The following TTC39B variants were observed in gnomAD, a reference collection of about 807,000 sequenced individuals.
TTC39B encodes the protein tetratricopeptide repeat domain 39B.
A neutral mutation model predicts 96.6 loss-of-function variants in TTC39B; 92 were observed. The ratio of observed to expected loss-of-function variants is 0.95; its 90% confidence interval spans 0.80 to 1.13. The LOEUF is 1.13. TTC39B is among the 50% of genes most tolerant of loss of function. TTC39B has a pLI of 0.00. For missense variants in TTC39B, 955 were observed against 809.3 expected (o/e 1.18, Z -2.18); for synonymous variants, 367 against 299.4 (o/e 1.23, Z -2.33).
At chr9:15,287,807 A>G (rs1186956519) in intron 1 of TTC39B, among the ~76,000 whole-genome samples, 2 of 152,070 alleles carry the variant, frequency 1.3e-5, no homozygotes, top group Non-Finnish European at 1.5e-5. Context: ...TTAGCCGGGC[A>G]TGGTGGCATG....
At position 15,192,450 on chromosome 9, in the gene TTC39B, C is replaced by T. The variant is rs1301682840; in HGVS notation, c.930+140G>A. 5 of 627,320 alleles carry T rather than the reference C, an allele frequency of 8.0e-6. No individual in the cohort carries two copies. The East Asian group carries it at 1.4e-4, about 17-fold the overall frequency. 38.9% of individuals were successfully genotyped at this position (627,320 alleles called of 1,614,324 possible). On this transcript the variant is annotated intron_variant, in intron 9 of 19. Transcript: ENST00000512701. ...TTTATAACACACTGGGTCACAATGC[C>T]AGAAAACTGATCCCACTCTAGCTGT...
At chr9:15,175,810 C>A (rs1284650834) in intron 18 of TTC39B, among the ~76,000 whole-genome samples, 3 of 152,128 alleles carry the variant, frequency 2.0e-5, no homozygotes, top group Non-Finnish European at 1.5e-5. Context: ...TCCTAATATC[C>A]ATGCAGGAGA....
At chr9:15,284,495 T>C (rs1481356425) in intron 1 of TTC39B, among the ~76,000 whole-genome samples, 1 of 152,172 alleles carries the variant, frequency 6.6e-6, no homozygotes, top group African/African-American at 2.4e-5. Flanking sequence ...GATAATTAAA[T>C]AAATTATAGT....
chr9:15,229,968 G>C lies in TTC39B; in HGVS notation c.276-3956C>G, dbSNP rs566895805. On this transcript the variant is annotated intron_variant, in intron 2 of 19. Coordinates refer to ENST00000512701, the Ensembl canonical transcript of TTC39B. ...TCATTACATTATTAGGAAATCTACA[G>C]AGAATTGTTGTCTTTATAACATTGC... 2.6e-5 allele frequency among the ~76,000 whole-genome samples: 4 copies of C among 152,334 alleles called. No homozygotes were observed. In the South Asian group the frequency reaches 8.3e-4, roughly 32 times the overall value.
intron 1 of TTC39B, among the ~76,000 whole-genome samples, chr9:15,294,326 C>A (rs1295619577): frequency 6.6e-6 from 1 of 152,170 alleles, no homozygotes; most frequent in African/African-American, 2.4e-5. Context: ...TACCTTTTAG[C>A]CTCTTACGTT....
intron 17 of TTC39B, among the ~76,000 whole-genome samples, chr9:15,179,238 C>G (rs1393677730): frequency 6.6e-6 from 1 of 152,122 alleles, no homozygotes; most frequent in Non-Finnish European, 1.5e-5. Flanking sequence ...GACAGAACGA[C>G]AATTTACACA....
At chr9:15,270,671 T>G (rs149123545) in intron 1 of TTC39B, among the ~76,000 whole-genome samples, 3,923 of 149,972 alleles carry the variant, frequency 0.026, 173 homozygotes, top group African/African-American at 0.091. Flanking sequence ...TCCCAGCTAC[T>G]CGAGAGGCTG....
chr9:15,250,111 CA>C (rs1822466698), intron 2 of TTC39B: 3 of 1,253,920 alleles, frequency 2.4e-6, no homozygotes, highest in Non-Finnish European at 3.1e-6. Flanking sequence ...CAGGCACAAG[CA>C]AAGTAGTTGC....
chr9:15,282,312 A>C (rs937607586), intron 1 of TTC39B, among the ~76,000 whole-genome samples: 1 of 152,160 alleles, frequency 6.6e-6, no homozygotes, highest in African/African-American at 2.4e-5. Flanking sequence ...AAAGACTGAC[A>C]CTCTGGTAAA....
chr9:15,190,856 C>G (rs1293888248), intron 10 of TTC39B, among the ~76,000 whole-genome samples, 194 bp from the exon 11 acceptor site: 3 of 152,136 alleles, frequency 2.0e-5, no homozygotes, highest in Non-Finnish European at 4.4e-5. Flanking sequence ...TTTTTCAACC[C>G]TCTCTTCCCC....
intron 6 of TTC39B, among the ~76,000 whole-genome samples, chr9:15,209,836 C>T (rs532309002): frequency 6.6e-6 from 1 of 151,584 alleles, no homozygotes; most frequent in Non-Finnish European, 1.5e-5. Context: ...TGATTCTATG[C>T]TTGCAAAAAA....
rs1376010748 is a variant in TTC39B, at chr9:15,203,311, T to C, written c.759+512A>G. Among the ~76,000 whole-genome samples the C allele has an allele frequency of 3.3e-5, 5 of 152,286 alleles. No individual in the cohort carries two copies. In the East Asian group the frequency reaches 9.7e-4, roughly 29 times the overall value. ...TGTCACCCAAGGTGAAGTGCAGTGGTAGGACCTCGGCTCACGGAAATCTCC... is the reference window on the plus strand; with the variant it reads ...TGTCACCCAAGGTGAAGTGCAGTGGCAGGACCTCGGCTCACGGAAATCTCC... On this transcript the variant is annotated intron_variant, in intron 7 of 19. Transcript: ENST00000512701.
In TTC39B at chr9:15,198,471, T is replaced by A. The variant is rs966712966; in HGVS notation, c.824+1390A>T. 7.0e-3 allele frequency among the ~76,000 whole-genome samples: 1,017 copies of A among 144,390 alleles called. 8 individuals are homozygous for A. Among genetic ancestry groups the A allele is most frequent in the East Asian group, 0.016 (80 of 5,050 alleles). 94.7% of individuals were successfully genotyped at this position (144,390 alleles called of 152,430 possible). On this transcript the variant is annotated intron_variant, in intron 8 of 19. Transcript: ENST00000512701. ...GGTCTCGGTCGCAAAAATATATATA[T>A]ATATATATATATATATCATAAAGGG... is the stretch of plus-strand genomic sequence containing the variant.
chr9:15,231,790 A>G (rs1265407364), intron 2 of TTC39B, among the ~76,000 whole-genome samples: 2 of 152,272 alleles, frequency 1.3e-5, no homozygotes, highest in African/African-American at 4.8e-5. Context: ...ATGAATAAAA[A>G]TATGTCCTTC....
intron 3 of TTC39B, among the ~76,000 whole-genome samples, chr9:15,215,755 T>C (rs565711446): frequency 6.6e-6 from 1 of 151,598 alleles, no homozygotes; most frequent in Non-Finnish European, 1.5e-5. Flanking sequence ...TCCCAGCTAC[T>C]CAGGAGGCTG....
At chr9:15,262,469 A>G (rs1047267855) in intron 2 of TTC39B, among the ~76,000 whole-genome samples, 1 of 152,166 alleles carries the variant, frequency 6.6e-6, no homozygotes, top group Non-Finnish European at 1.5e-5. Context: ...TTTTTCCTCC[A>G]GTTCTAAATG....
chr9:15,179,805 G>A (rs1243447626), intron 17 of TTC39B, among the ~76,000 whole-genome samples: 9 of 152,086 alleles, frequency 5.9e-5, no homozygotes, highest in African/African-American at 2.2e-4. Context: ...TAACATCATG[G>A]GAAGTTAAAA....
chr9:15,190,449 G>T, intron 11 of TTC39B, 105 bp downstream of exon 11: 1 of 963,616 alleles, frequency 1.0e-6, no homozygotes, highest in Non-Finnish European at 1.6e-6. Context: ...GGGTTCAACT[G>T]ATCCTCCCAC....
At chr9:15,222,413 C>T (rs1363187242) in intron 3 of TTC39B, among the ~76,000 whole-genome samples, 1 of 152,196 alleles carries the variant, frequency 6.6e-6, no homozygotes, top group Non-Finnish European at 1.5e-5. Context: ...AGAACTTTCT[C>T]AGCTTGCAAA....
Sources: gnomAD v4.1 joint callset for allele counts (sites outside exome capture counted in the v4.1 genomes callset) on GRCh38, gnomAD v4.1.1 for gene constraint, MANE v1.5 for transcripts, NCBI Gene and HGNC (gene_info 2026-07-23, HGNC 2026-07-21) for gene names.